ARK2C: variants seen among roughly 807,000 people sequenced by gnomAD.
ARK2C encodes the protein E3 ubiquitin-protein ligase ARK2C.
At chr18:46,451,808 CAAAG>C in the ARK2C span, among the ~76,000 whole-genome samples, 1 of 151,794 alleles carries the variant, frequency 6.6e-6, no homozygotes, top group Non-Finnish European at 1.5e-5. Flanking sequence ...CTGTATCAAA[CAAAG>C]AAAGAAAAAG....
chr18:46,449,691 G>T, the ARK2C span, among the ~76,000 whole-genome samples: 98,832 of 152,080 alleles, frequency 0.65, 32,814 homozygotes, highest in Middle Eastern at 0.72. Context: ...CTCCCCATTC[G>T]CTTGGCACTC....
the ARK2C span, among the ~76,000 whole-genome samples, chr18:46,412,776 A>G: frequency 6.6e-6 from 1 of 152,140 alleles, no homozygotes; most frequent in Non-Finnish European, 1.5e-5. Context: ...TGCTGCTAAC[A>G]GCCAACGCGG....
At chr18:46,440,600 C>T in the ARK2C span, among the ~76,000 whole-genome samples, 4 of 152,204 alleles carry the variant, frequency 2.6e-5, no homozygotes, top group African/African-American at 9.6e-5. Flanking sequence ...GATAATGATT[C>T]TGCTTTTTCA....
At chr18:46,421,967 A>T in the ARK2C span, among the ~76,000 whole-genome samples, 2 of 152,136 alleles carry the variant, frequency 1.3e-5, no homozygotes, top group African/African-American at 4.8e-5. Flanking sequence ...GGCATACTCC[A>T]TTGGACTGGG....
At chr18:46,411,504 AT>A in the ARK2C span, among the ~76,000 whole-genome samples, 18 of 152,198 alleles carry the variant, frequency 1.2e-4, no homozygotes, top group Non-Finnish European at 5.9e-5. Flanking sequence ...CTATCGATTG[AT>A]TCATTTCAAC....
the ARK2C span, among the ~76,000 whole-genome samples, chr18:46,440,497 A>G: frequency 6.6e-6 from 1 of 152,228 alleles, no homozygotes; most frequent in South Asian, 2.1e-4. Context: ...CCTGGAACAT[A>G]TCCCTCACAG....
chr18:46,456,460 G>A, the ARK2C span: 2 of 1,259,542 alleles, frequency 1.6e-6, no homozygotes, highest in East Asian at 2.3e-5. Flanking sequence ...GTGTGTCCCT[G>A]CTCCGCTCAG....
chr18:46,356,271 T>C, the ARK2C span, among the ~76,000 whole-genome samples: 1 of 152,154 alleles, frequency 6.6e-6, no homozygotes, highest in African/African-American at 2.4e-5. Flanking sequence ...CATTGAACAA[T>C]CACCTGATTT....
chr18:46,343,230 C>T, the ARK2C span, among the ~76,000 whole-genome samples: 8 of 152,138 alleles, frequency 5.3e-5, no homozygotes, highest in Non-Finnish European at 7.3e-5. Context: ...CCCCTTCCAT[C>T]GAGAGGCCCA....
the ARK2C span, among the ~76,000 whole-genome samples, chr18:46,430,944 G>A: frequency 2.0e-5 from 3 of 152,132 alleles, no homozygotes; most frequent in Admixed American, 2.0e-4. Context: ...TGCAGAACGT[G>A]CGGGTTTGTT....
the ARK2C span, among the ~76,000 whole-genome samples, chr18:46,357,270 A>G: frequency 6.6e-6 from 1 of 152,308 alleles, no homozygotes; most frequent in African/African-American, 2.4e-5. Flanking sequence ...GTCAGTACCC[A>G]GCATTTATTA....
chr18:46,410,512 T>C, the ARK2C span, among the ~76,000 whole-genome samples: 31 of 152,366 alleles, frequency 2.0e-4, no homozygotes, highest in South Asian at 6.2e-3. Flanking sequence ...CAGCCTCAGC[T>C]GAAGGCTCAC....
chr18:46,339,470 A>G, the ARK2C span, among the ~76,000 whole-genome samples: 1 of 152,244 alleles, frequency 6.6e-6, no homozygotes, highest in Non-Finnish European at 1.5e-5. Context: ...AGATTGTCTG[A>G]ACTAAACACT....
the ARK2C span, chr18:46,450,849 G>A: frequency 7.2e-7 from 1 of 1,398,132 alleles, no homozygotes; most frequent in Non-Finnish European, 1.0e-6. Flanking sequence ...GGGGCAGGGG[G>A]GTTGTCTAAT....
chr18:46,448,549 C>T, the ARK2C span, among the ~76,000 whole-genome samples: 47 of 152,250 alleles, frequency 3.1e-4, no homozygotes, highest in South Asian at 3.1e-3. Context: ...GTGGTCAGTA[C>T]CTCCCTAGGC....
the ARK2C span, chr18:46,450,235 T>C: frequency 9.3e-7 from 1 of 1,072,588 alleles, no homozygotes; most frequent in Middle Eastern, 2.0e-4. Flanking sequence ...AGAAGTTGCA[T>C]GCTGGGCTCA....
the ARK2C span, among the ~76,000 whole-genome samples, chr18:46,451,144 C>T: frequency 1.3e-5 from 2 of 152,152 alleles, no homozygotes; most frequent in Non-Finnish European, 2.9e-5. Flanking sequence ...GGGATACCTG[C>T]ACAGAAGGCT....
the ARK2C span, among the ~76,000 whole-genome samples, chr18:46,338,615 CT>C: frequency 0.022 from 3,253 of 150,570 alleles, 55 homozygotes; most frequent in African/African-American, 0.048. Flanking sequence ...CTTAAAATAT[CT>C]TTTTTTTTTC....
chr18:46,348,993 T>C, the ARK2C span, among the ~76,000 whole-genome samples: 1 of 151,482 alleles, frequency 6.6e-6, no homozygotes, highest in Non-Finnish European at 1.5e-5. Flanking sequence ...GAGCACAGTT[T>C]GGGAATGCTA....
Sources: gnomAD v4.1 joint callset for allele counts (sites outside exome capture counted in the v4.1 genomes callset) on GRCh38, gnomAD v4.1.1 for gene constraint, MANE v1.5 for transcripts, NCBI Gene and HGNC (gene_info 2026-07-23, HGNC 2026-07-21) for gene names.